The following CHST9 variants were observed in gnomAD, a reference collection of about 807,000 sequenced individuals.
The protein encoded by CHST9 is GalNAc-4-sulfotransferase 2.
In CHST9, 41 loss-of-function variants were observed where a neutral mutation model predicts 44.4. The ratio of observed to expected loss-of-function variants is 0.92; its 90% confidence interval spans 0.72 to 1.20. The LOEUF (loss-of-function observed/expected upper bound fraction) is 1.20. Among genes scored for constraint, CHST9 ranks in the 50% most tolerant of loss-of-function variants. CHST9 has a pLI of 0.00. For missense variants in CHST9, 504 were observed against 516.5 expected, an observed-to-expected ratio of 0.98 and a Z score of 0.23; for synonymous variants, 171 against 178.4, an observed-to-expected ratio of 0.96 and a Z score of 0.33.
At chr18:27,158,150 A>T (rs555341743) in intron 1 of CHST9, among the ~76,000 whole-genome samples, 1 of 152,276 alleles carries the variant, frequency 6.6e-6, no homozygotes, top group Non-Finnish European at 1.5e-5. Flanking sequence ...CATATGCACA[A>T]CGTGCAGGTT....
intron 2 of CHST9, among the ~76,000 whole-genome samples, chr18:27,077,927 T>G (rs987023410): frequency 6.6e-6 from 1 of 151,530 alleles, no homozygotes; most frequent in African/African-American, 2.4e-5. Flanking sequence ...TGGAGGAAGG[T>G]GAAGGGGAAG....
chr18:27,147,853 T>C (rs1174097895), intron 1 of CHST9: 1 of 146,470 alleles, frequency 6.8e-6, no homozygotes, highest in East Asian at 2.1e-4. Context: ...TTCAATACTA[T>C]ACTATTTCTT....
At chr18:26,959,947 G>A (rs1305516279) in intron 4 of CHST9, among the ~76,000 whole-genome samples, 3 of 152,136 alleles carry the variant, frequency 2.0e-5, no homozygotes, top group Non-Finnish European at 2.9e-5. Flanking sequence ...AGATTCAGAT[G>A]AGGGGTTAGG....
At chr18:27,020,009 G>A (rs532391145) in intron 4 of CHST9, among the ~76,000 whole-genome samples, 1 of 152,252 alleles carries the variant, frequency 6.6e-6, no homozygotes, top group South Asian at 2.1e-4. Context: ...TTAATGAGTG[G>A]TGAGTTGCTT....
At position 26,906,832 on chromosome 18, in the gene CHST9, G is replaced by T. The variant is rs974894859; in HGVS notation, c.*9427C>A. 6.6e-6 allele frequency: 1 copy of T among 152,232 alleles called. No homozygotes were observed. The allele number at this position is 152,232 out of a possible 1,614,324, so 9.4% of individuals were successfully genotyped here. On this transcript the variant is annotated 3_prime_UTR_variant, in exon 6 of 6. Coordinates refer to ENST00000618847, the MANE Select transcript of CHST9 (RefSeq NM_031422.6). Reference sequence around the variant, plus strand: ...TTAGGAAGTGTTGGGGAGGTGAAGGGGGGTAGGTGGGTGCCCTAATAGAGG... The same window carrying T: ...TTAGGAAGTGTTGGGGAGGTGAAGGTGGGTAGGTGGGTGCCCTAATAGAGG...
At chr18:27,007,853 T>C (rs999881996) in intron 4 of CHST9, among the ~76,000 whole-genome samples, 3 of 152,124 alleles carry the variant, frequency 2.0e-5, no homozygotes, top group African/African-American at 7.2e-5. Context: ...AGGGTATAGA[T>C]AACTCTTCTG....
chr18:26,973,510 G>A (rs927782760), intron 4 of CHST9, among the ~76,000 whole-genome samples: 1 of 152,220 alleles, frequency 6.6e-6, no homozygotes, highest in Non-Finnish European at 1.5e-5. Context: ...GCCTGCAGGC[G>A]GCATGCGGCC....
At chr18:27,048,151 C>CT (rs2057526541) in intron 3 of CHST9, among the ~76,000 whole-genome samples, 2 of 152,118 alleles carry the variant, frequency 1.3e-5, no homozygotes, top group African/African-American at 4.8e-5. Context: ...TGGTTGTCAA[C>CT]TATCACATCA....
chr18:27,168,260 G>C (rs911875300), intron 1 of CHST9, among the ~76,000 whole-genome samples: 2 of 151,982 alleles, frequency 1.3e-5, no homozygotes, highest in South Asian at 4.2e-4. Context: ...ATTTTTAGTA[G>C]AGACGGGGTT....
chr18:27,162,079 C>T (rs1010890208), intron 1 of CHST9, among the ~76,000 whole-genome samples: 3 of 152,152 alleles, frequency 2.0e-5, no homozygotes, highest in African/African-American at 7.2e-5. Flanking sequence ...CAGTCTGTGT[C>T]TTTCAGTTGG....
intron 4 of CHST9, among the ~76,000 whole-genome samples, chr18:26,976,329 T>G (rs1308984151): frequency 6.6e-6 from 1 of 152,038 alleles, no homozygotes; most frequent in African/African-American, 2.4e-5. Context: ...TGGATATTGT[T>G]TCACTGAATT....
At chr18:27,044,862 T>A (rs2057481863) in intron 3 of CHST9, among the ~76,000 whole-genome samples, 2 of 152,000 alleles carry the variant, frequency 1.3e-5, no homozygotes, top group South Asian at 4.1e-4. Context: ...ATTTTTTTTA[T>A]CCTGAATGAC....
chr18:27,133,211 T>G (rs1227824683), intron 2 of CHST9, among the ~76,000 whole-genome samples: 1 of 152,212 alleles, frequency 6.6e-6, no homozygotes, highest in Non-Finnish European at 1.5e-5. Flanking sequence ...AGATAGCAAG[T>G]GCATCATTGT....
intron 3 of CHST9, among the ~76,000 whole-genome samples, chr18:27,025,135 AAT>A (rs1335906198): frequency 1.3e-5 from 2 of 148,160 alleles, no homozygotes; most frequent in Non-Finnish European, 3.0e-5. Context: ...TATTTTATAT[AAT>A]ATATAACTAT....
chr18:27,118,417 T>TTCA (rs58608746), intron 2 of CHST9, among the ~76,000 whole-genome samples: 1 of 151,792 alleles, frequency 6.6e-6, no homozygotes, highest in African/African-American at 2.4e-5. Context: ...CAATTACTTC[T>TTCA]CCCTACATTA....
intron 2 of CHST9, among the ~76,000 whole-genome samples, chr18:27,079,602 T>C (rs2057941206): frequency 6.6e-6 from 1 of 152,224 alleles, no homozygotes; most frequent in Admixed American, 6.5e-5. Flanking sequence ...CACAAACCTA[T>C]AAAACATTTA....
At position 27,120,323 on chromosome 18, in the gene CHST9, CAG is replaced by C. The variant is rs369335278; in HGVS notation, c.121+22364_121+22365del. Among the ~76,000 whole-genome samples the C allele has an allele frequency of 6.8e-4, 104 of 152,320 alleles. 1 individual carries two copies. The highest frequency in any genetic ancestry group is 3.4e-3 in the Middle Eastern group (1 of 294). ...ATACTCTTTCCTGATGACCCAGTAG[CAG>C]AGTTTCCTCATAAGGTTACCACCAG... On this transcript the variant is annotated intron_variant, in intron 2 of 5. Coordinates refer to ENST00000618847, the MANE Select transcript of CHST9 (RefSeq NM_031422.6).
intron 1 of CHST9, among the ~76,000 whole-genome samples, chr18:27,171,273 G>C (rs552601636): frequency 8.5e-5 from 13 of 152,286 alleles, no homozygotes; most frequent in African/African-American, 2.9e-4. Context: ...AGAGGCGCAG[G>C]CAAGAGGAAA....
At chr18:27,145,027 C>T (rs1243556745) in intron 1 of CHST9, among the ~76,000 whole-genome samples, 1 of 151,900 alleles carries the variant, frequency 6.6e-6, no homozygotes, top group Non-Finnish European at 1.5e-5. Flanking sequence ...AACAAATGAG[C>T]TTCAAAGATA....
Sources: allele counts gnomAD v4.1 joint callset (sites outside exome capture counted in the v4.1 genomes callset), GRCh38; gene constraint gnomAD v4.1.1; transcripts MANE v1.5; gene names NCBI Gene and HGNC (gene_info 2026-07-23, HGNC 2026-07-21).